AGAP1: variants seen among roughly 807,000 people sequenced by gnomAD.
AGAP1 encodes arf-GAP with GTPase, ANK repeat and PH domain-containing protein 1.
In AGAP1, 29 loss-of-function variants were observed where a neutral mutation model predicts 105.3. The ratio of observed to expected loss-of-function variants is 0.28; its 90% CI spans 0.21 to 0.38. AGAP1 has a LOEUF of 0.38. AGAP1 is among the 10% of genes least tolerant of loss of function. AGAP1 has a pLI of 1.00. For missense variants in AGAP1, 998 were observed against 1,165.1 expected, an observed-to-expected ratio of 0.86 and a Z score of 2.09; for synonymous variants, 509 against 485.9, an observed-to-expected ratio of 1.05 and a Z score of -0.63.
chr2:235,749,685 C>T (rs1192195017), intron 5 of AGAP1, among the ~76,000 whole-genome samples: 2 of 152,202 alleles, frequency 1.3e-5, no homozygotes, highest in African/African-American at 4.8e-5. Flanking sequence ...TGAGGGTTCC[C>T]TGACCTCTTG....
intron 1 of AGAP1, among the ~76,000 whole-genome samples, chr2:235,587,808 G>A (rs1040592263): frequency 6.6e-6 from 1 of 151,700 alleles, no homozygotes; most frequent in African/African-American, 2.4e-5. Flanking sequence ...GGCTTAAGAG[G>A]CCAGTGTGAG....
At chr2:235,884,410 A>C (rs1203495564) in intron 10 of AGAP1, among the ~76,000 whole-genome samples, 4 of 142,160 alleles carry the variant, frequency 2.8e-5, no homozygotes, top group Non-Finnish European at 6.2e-5. Flanking sequence ...ATTGTTTTTT[A>C]TTTGTATAAT....
intron 1 of AGAP1, among the ~76,000 whole-genome samples, chr2:235,581,383 T>G (rs1266691800): frequency 6.6e-6 from 1 of 151,282 alleles, no homozygotes; most frequent in Non-Finnish European, 1.5e-5. Context: ...GTGCAGGACT[T>G]CCAGCTTGGT....
intron 1 of AGAP1, among the ~76,000 whole-genome samples, chr2:235,594,472 T>G (rs943461436): frequency 1.3e-5 from 2 of 152,124 alleles, no homozygotes; most frequent in Non-Finnish European, 2.9e-5. Context: ...TGTCCTTCCT[T>G]CCTCTGATGG....
chr2:235,694,273 A>G lies in AGAP1; in HGVS notation c.164-14906A>G, dbSNP rs1452511602. ...GGCGGGCGGATCATGGGGTCAGGAGATCGAGACCATCCTGGCTATCATGGT... is the reference window on the plus strand; with the variant it reads ...GGCGGGCGGATCATGGGGTCAGGAGGTCGAGACCATCCTGGCTATCATGGT... On this transcript the variant is annotated intron_variant, in intron 1 of 17. Coordinates refer to ENST00000304032, the MANE Select transcript of AGAP1 (RefSeq NM_001037131.3). Among the ~76,000 whole-genome samples the G allele has an allele frequency of 2.0e-5, 3 of 147,810 alleles. No individual in the cohort carries two copies. The East Asian group carries it at 5.8e-4, about 29-fold the overall frequency.
At chr2:235,899,996 T>G (rs1009700578) in intron 10 of AGAP1, among the ~76,000 whole-genome samples, 2 of 152,332 alleles carry the variant, frequency 1.3e-5, no homozygotes, top group Middle Eastern at 3.4e-3. Flanking sequence ...GTAGAATAAC[T>G]TAACCCTTTG....
intron 9 of AGAP1, among the ~76,000 whole-genome samples, chr2:235,854,411 C>G (rs1201461021): frequency 6.6e-6 from 1 of 152,252 alleles, no homozygotes; most frequent in Non-Finnish European, 1.5e-5. Flanking sequence ...AGGCCTGTCT[C>G]TAGCTCAGCT....
At chr2:235,827,188 A>G (rs1959119704) in intron 9 of AGAP1, among the ~76,000 whole-genome samples, 1 of 152,222 alleles carries the variant, frequency 6.6e-6, no homozygotes, top group Non-Finnish European at 1.5e-5. Flanking sequence ...TTTCTGCTTC[A>G]TACATGCATC....
At chr2:235,794,840 A>G (rs1957169692) in intron 6 of AGAP1, among the ~76,000 whole-genome samples, 1 of 152,146 alleles carries the variant, frequency 6.6e-6, no homozygotes, top group African/African-American at 2.4e-5. Context: ...ACACATTTAC[A>G]TTGAACATAT....
intron 3 of AGAP1, among the ~76,000 whole-genome samples, chr2:235,727,260 C>T (rs1951693197): frequency 6.6e-6 from 1 of 151,902 alleles, no homozygotes; most frequent in Non-Finnish European, 1.5e-5. Context: ...AGAAGGTGGA[C>T]TCCAGAAAAG....
At position 235,961,178 on chromosome 2, in the gene AGAP1, T is replaced by C. The variant is rs1365487465; in HGVS notation, c.1484-7284T>C. On this transcript the variant is annotated intron_variant, in intron 12 of 17. Coordinates refer to ENST00000304032, the MANE Select transcript of AGAP1 (RefSeq NM_001037131.3). This position sits in a 1 kb window ranked among gnomAD's most constrained non-coding sequence, Gnocchi z 5.9. ...AAAGAAACACGCATGGAGCATGTCA[T>C]GTCCCCATGTGGAGAGAGCCACGGA... Among the ~76,000 whole-genome samples the C allele has an allele frequency of 1.3e-5, 2 of 152,196 alleles. No individual in the cohort carries two copies. The highest frequency in any genetic ancestry group is 3.9e-4 in the East Asian group (2 of 5,180).
chr2:236,085,360 G>A (rs1030484332), intron 16 of AGAP1, among the ~76,000 whole-genome samples: 5 of 152,230 alleles, frequency 3.3e-5, no homozygotes, highest in African/African-American at 9.6e-5. Flanking sequence ...AGCGTCCTTT[G>A]TTGCTGCAGC....
At chr2:236,052,213 G>A (rs1305408642) in intron 16 of AGAP1, among the ~76,000 whole-genome samples, 1 of 152,112 alleles carries the variant, frequency 6.6e-6, no homozygotes, top group African/African-American at 2.4e-5. Context: ...CTTTGAAAAA[G>A]GGCCCAGCTG....
chr2:236,093,874 AT>A (rs1220889803), intron 16 of AGAP1, among the ~76,000 whole-genome samples: 3 of 152,206 alleles, frequency 2.0e-5, no homozygotes, highest in South Asian at 2.1e-4. Context: ...CTTAAAAGGT[AT>A]TTTTTGACAT....
rs2059967941 is a variant in AGAP1, at chr2:236,124,226, T to C, written c.*104T>C. On this transcript the variant is annotated 3_prime_UTR_variant, in exon 18 of 18. Transcript: ENST00000304032. The surrounding 1 kb of genome is among the most constrained non-coding windows in gnomAD (Gnocchi z 5.1). The stretch of plus-strand genomic sequence containing the variant: ...TGAGTCCCGTCGCATCCCCTCCCTC[T>C]TCCTGGTGGCCACCTCCCTCCCGCC... 3 of 1,285,828 alleles carry C rather than the reference T, an allele frequency of 2.3e-6. No individual in the cohort carries two copies. The highest frequency in any genetic ancestry group is 3.2e-6 in the Non-Finnish European group (3 of 925,578). 79.7% of individuals were successfully genotyped at this position (1,285,828 alleles called of 1,614,324 possible). A position where few individuals can be genotyped will look rare whatever the true frequency, so the allele number is the denominator to read the frequency against.
chr2:236,031,444 A>C (rs1471530685), intron 13 of AGAP1, among the ~76,000 whole-genome samples: 1 of 152,190 alleles, frequency 6.6e-6, no homozygotes, highest in Non-Finnish European at 1.5e-5. Context: ...GCCTGGAGCC[A>C]GCCTTGGAGA....
rs1396749855 is a variant in AGAP1, at chr2:235,753,431, G to A, written c.673+2943G>A. On this transcript the variant is annotated intron_variant, in intron 6 of 17. Coordinates refer to ENST00000304032, the MANE Select transcript of AGAP1 (RefSeq NM_001037131.3). The surrounding 1 kb of genome is among the most constrained non-coding windows in gnomAD (Gnocchi z 4.5). ...TTATGTATTCGGATTTTGGCTGGGCGCAGTGGCTCAGGCCTGTAATCCCAA... is the reference window on the plus strand; with the variant it reads ...TTATGTATTCGGATTTTGGCTGGGCACAGTGGCTCAGGCCTGTAATCCCAA... Among the ~76,000 whole-genome samples the A allele has an allele frequency of 3.9e-5, 6 of 152,078 alleles. No homozygotes were observed. Among genetic ancestry groups the A allele is most frequent in the Admixed American group, 1.3e-4 (2 of 15,266 alleles).
chr2:235,581,859 C>T (rs1242747560), intron 1 of AGAP1, among the ~76,000 whole-genome samples: 1 of 152,090 alleles, frequency 6.6e-6, no homozygotes, highest in Non-Finnish European at 1.5e-5. Flanking sequence ...CCTGCAGTCA[C>T]GGGGACATTC....
chr2:235,895,501 C>A (rs2050759105), intron 10 of AGAP1, among the ~76,000 whole-genome samples: 1 of 152,196 alleles, frequency 6.6e-6, no homozygotes, highest in South Asian at 2.1e-4. Flanking sequence ...CTCACTAACT[C>A]CTCTTTCCAA....
Sources: allele counts gnomAD v4.1 joint callset (sites outside exome capture counted in the v4.1 genomes callset), GRCh38; gene constraint gnomAD v4.1.1; non-coding constraint Gnocchi (gnomAD v3.1); transcripts MANE v1.5; gene names NCBI Gene and HGNC (gene_info 2026-07-23, HGNC 2026-07-21).